Variants in CEP162 observed in about 807,000 individuals in gnomAD.
CEP162 encodes centrosomal protein of 162 kDa.
CEP162 carries 141 observed loss-of-function variants against 169.2 expected under a neutral mutation model. That is an observed-to-expected ratio of 0.83 (90% CI 0.73 to 0.96). The LOEUF (loss-of-function observed/expected upper bound fraction) is 0.96. CEP162 is among the 40% of genes least tolerant of loss of function. The pLI, the probability that CEP162 is intolerant of heterozygous loss-of-function variation, is 0.00. For synonymous variants in CEP162, 540 were observed against 526.4 expected (o/e 1.03, Z -0.35); for missense variants, 1,600 against 1,587.2 (o/e 1.01, Z -0.14).
chr6:84,203,496 G>A (rs1234556377), intron 7 of CEP162, among the ~76,000 whole-genome samples: 2 of 152,198 alleles, frequency 1.3e-5, no homozygotes, highest in East Asian at 3.9e-4. Flanking sequence ...CCAGGCTGGA[G>A]TGCAGTGACA....
intron 3 of CEP162, chr6:84,217,851 C>T (rs1003472942): frequency 2.0e-5 from 3 of 152,176 alleles, no homozygotes; most frequent in African/African-American, 4.8e-5. Flanking sequence ...ACCCGGAGTT[C>T]AGTAGATAAC....
chr6:84,212,428 T>C lies in CEP162; in HGVS notation c.571+529A>G, dbSNP rs527328572. 6.6e-5 allele frequency among the ~76,000 whole-genome samples: 10 copies of C among 152,236 alleles called. No individual in the cohort carries two copies. In the East Asian group the frequency reaches 1.9e-3, roughly 29 times the overall value. On this transcript the variant is annotated intron_variant, in intron 6 of 26. Coordinates refer to ENST00000403245, the MANE Select transcript of CEP162 (RefSeq NM_014895.4). ...CAAAATGGTTGAGGAGAGTTTATTG[T>C]TGTTAGAGTTCATATAAATACAGTG... is the stretch of plus-strand genomic sequence containing the variant.
Position 84,159,523 on chromosome 6 carries a change from TTATATATA to T in CEP162, c.2781+1281_2781+1288del, listed in dbSNP as rs1554166777. Among the ~76,000 whole-genome samples, 51 of 37,138 alleles carry T rather than the reference TTATATATA, an allele frequency of 1.4e-3. 1 individual carries two copies. The highest frequency in any genetic ancestry group is 4.0e-3 in the African/African-American group (36 of 9,084). 24.4% of individuals were successfully genotyped at this position (37,138 alleles called of 152,430 possible). On this transcript the variant is annotated intron_variant, in intron 21 of 26. Transcript: ENST00000403245. ...CTAGTTCTTTTTTAAAATTAATTAT[TTATATATA>T]TATATATATATATATATTTTTTTTT...
chr6:84,170,757 T>C (rs1382994498), intron 17 of CEP162, among the ~76,000 whole-genome samples: 2 of 152,212 alleles, frequency 1.3e-5, no homozygotes, highest in African/African-American at 2.4e-5. Context: ...TGCTAGCTTG[T>C]CCATGTTCAC....
chr6:84,212,442 A>G (rs1321739139), intron 6 of CEP162, among the ~76,000 whole-genome samples: 1 of 152,160 alleles, frequency 6.6e-6, no homozygotes, highest in Non-Finnish European at 1.5e-5. Flanking sequence ...TAGAGTTCAT[A>G]TAAATACAGT....
chr6:84,177,643 C>T (rs1396044785), intron 13 of CEP162, among the ~76,000 whole-genome samples: 1 of 152,208 alleles, frequency 6.6e-6, no homozygotes, highest in Non-Finnish European at 1.5e-5. Flanking sequence ...TCAAGCAATT[C>T]TCCTGCCTCA....
At chr6:84,133,297 AC>A (rs1332263507) in intron 25 of CEP162, among the ~76,000 whole-genome samples, 1 of 152,060 alleles carries the variant, frequency 6.6e-6, no homozygotes, top group Non-Finnish European at 1.5e-5. Context: ...CAGTTAGGCT[AC>A]TCAAGTGTCA....
At chr6:84,143,382 A>C (rs1227390193) in intron 25 of CEP162, among the ~76,000 whole-genome samples, 1 of 152,060 alleles carries the variant, frequency 6.6e-6, no homozygotes, top group Non-Finnish European at 1.5e-5. Context: ...AATGTTACTA[A>C]GGATTAAAAG....
chr6:84,143,274 CTA>C (rs2099517438), intron 25 of CEP162, among the ~76,000 whole-genome samples: 2 of 152,008 alleles, frequency 1.3e-5, no homozygotes, highest in South Asian at 2.1e-4. Context: ...ATTAAGAAAA[CTA>C]TAAAAATATG....
At chr6:84,190,806 C>T (rs1019564741) in intron 11 of CEP162, among the ~76,000 whole-genome samples, 7 of 152,222 alleles carry the variant, frequency 4.6e-5, no homozygotes, top group Admixed American at 3.9e-4. Flanking sequence ...CCCACCAATT[C>T]CAGACACACT....
intron 3 of CEP162, chr6:84,219,161 G>A (rs1381555473): frequency 7.7e-7 from 1 of 1,292,588 alleles, no homozygotes; most frequent in Non-Finnish European, 1.0e-6. Flanking sequence ...TTCTCCCTCA[G>A]AAGGTTCTAC....
chr6:84,223,617 G>C (rs963933476), intron 2 of CEP162, among the ~76,000 whole-genome samples: 6 of 150,018 alleles, frequency 4.0e-5, no homozygotes, highest in African/African-American at 1.5e-4. Flanking sequence ...GGAGAAACTG[G>C]AACTCTAGGC....
rs368722148 is a variant in CEP162, at chr6:84,174,837, T to C, written c.1915A>G (p.Thr639Ala). The change falls in exon 15 of 27, where the codon ACA becomes GCA. Residue 639 changes from threonine to alanine, a missense_variant. Thr to Ala is a moderately conservative substitution (Grantham distance 58). Coordinates refer to ENST00000403245, the MANE Select transcript of CEP162 (RefSeq NM_014895.4). Reference protein sequence around the residue: ...AQALIEQIKATFSEKEKELEN... With the variant: ...AQALIEQIKAAFSEKEKELEN... ...AGTTCTTTCTCCTTTTCTGAGAATG[T>C]GGCTTTAATTTGCTCAATTAGGGCT... 8 of 1,501,486 alleles carry C rather than the reference T, an allele frequency of 5.3e-6. No individual in the cohort carries two copies. The highest frequency in any genetic ancestry group is 7.3e-6 in the Non-Finnish European group (8 of 1,099,336). 93.0% of individuals were successfully genotyped at this position (1,501,486 alleles called of 1,614,324 possible).
chr6:84,174,208 T>G lies in CEP162; in HGVS notation c.2026-20A>C. The G allele has an allele frequency of 6.3e-7, 1 of 1,585,736 alleles. No homozygotes were observed. The highest frequency in any genetic ancestry group is 8.6e-7 in the Non-Finnish European group (1 of 1,165,592). On this transcript the variant is annotated intron_variant, in intron 15 of 26. Coordinates refer to ENST00000403245, the MANE Select transcript of CEP162 (RefSeq NM_014895.4). ...GCTTAACTTGGAGAAATTGCAGAAA[T>G]TGTTTTATTTGGGGAAGGAAATGAT...
chr6:84,129,813 C>A (rs1418757672), intron 25 of CEP162, among the ~76,000 whole-genome samples: 4 of 152,082 alleles, frequency 2.6e-5, no homozygotes, highest in African/African-American at 7.2e-5. Flanking sequence ...AACAGACACA[C>A]TTTGACTTCC....
intron 16 of CEP162, 95 bp downstream of exon 16, chr6:84,173,953 G>A (rs905792673): frequency 2.2e-5 from 22 of 1,004,282 alleles, no homozygotes; most frequent in Non-Finnish European, 3.1e-5. Context: ...CCAAAGTGCT[G>A]GGATTACAGG....
intron 21 of CEP162, chr6:84,155,720 A>G (rs1052956650): frequency 3.9e-6 from 2 of 512,742 alleles, no homozygotes; most frequent in African/African-American, 1.9e-5. Context: ...AAACACTGAT[A>G]AAGAAAACCG....
At chr6:84,178,123 A>G (rs1034041467) in intron 13 of CEP162, among the ~76,000 whole-genome samples, 8 of 151,456 alleles carry the variant, frequency 5.3e-5, no homozygotes, top group Admixed American at 3.9e-4. Context: ...TTTTTATTAC[A>G]TTTTTAAATA....
Position 84,201,878 on chromosome 6 carries a change from A to T in CEP162, c.688-111T>A, listed in dbSNP as rs1209295477. On this transcript the variant is annotated intron_variant, in intron 7 of 26. Transcript: ENST00000403245. The stretch of plus-strand genomic sequence containing the variant: ...ATCCAGGGCTTTTTATTCCACATTG[A>T]AACGATCAGGAACTGTGTTTTCTAG... The T allele has an allele frequency of 1.2e-5, 7 of 583,180 alleles. No homozygotes were observed. The East Asian group carries it at 2.2e-4, about 19-fold the overall frequency. 36.1% of individuals were successfully genotyped at this position (583,180 alleles called of 1,614,324 possible).
Sources: gnomAD v4.1 joint callset for allele counts (sites outside exome capture counted in the v4.1 genomes callset) on GRCh38, gnomAD v4.1.1 for gene constraint, MANE v1.5 for transcripts, NCBI Gene and HGNC (gene_info 2026-07-23, HGNC 2026-07-21) for gene names.